The following SYDE2 variants were observed in gnomAD, a reference collection of about 807,000 sequenced individuals.
The protein encoded by SYDE2 is rho GTPase-activating protein SYDE2.
Under a neutral mutation model 91.5 loss-of-function variants are expected in SYDE2, and 76 were observed. The ratio of observed to expected loss-of-function variants is 0.83; its 90% confidence interval spans 0.69 to 1.01. The LOEUF is 1.01. Among genes scored for constraint, SYDE2 ranks in the 50% least tolerant of loss-of-function variants. The pLI, the probability that SYDE2 is intolerant of heterozygous loss-of-function variation, is 0.00. For synonymous variants in SYDE2, 513 were observed against 506.4 expected (o/e 1.01, Z -0.18); for missense variants, 1,364 against 1,367.7 (o/e 1.00, Z 0.04).
intron 2 of SYDE2, among the ~76,000 whole-genome samples, chr1:85,188,568 T>C (rs980849115): frequency 3.3e-5 from 5 of 152,204 alleles, no homozygotes; most frequent in African/African-American, 1.2e-4. Flanking sequence ...GCGAGGGAGC[T>C]GAGAAAATTC....
intron 2 of SYDE2, among the ~76,000 whole-genome samples, chr1:85,187,130 G>T (rs375267488): frequency 6.6e-6 from 1 of 151,802 alleles, no homozygotes; most frequent in Non-Finnish European, 1.5e-5. Context: ...ACAAAGGGCT[G>T]ATATCCAGAA....
rs766330747 is a variant in SYDE2 at position 85,182,664 on chromosome 1, T to A, written c.1978A>T (p.Ile660Phe). Residue 660 changes from isoleucine to phenylalanine, a missense_variant, in exon 3 of 7, where the codon ATT (isoleucine) becomes TTT (phenylalanine). Coordinates refer to ENST00000341460, the MANE Select transcript of SYDE2 (RefSeq NM_032184.2). ...AAGCTATAATGCCTAAAAGCATCAA[T>A]GTCTATTTCATTCTTGCTACAACTA... ...SNSCSKNEID[I>F]DAFRHYSFSD... is the part of the protein sequence containing the mutation. 2 of 1,613,870 alleles carry A rather than the reference T, an allele frequency of 1.2e-6. No homozygotes were observed. Among genetic ancestry groups the A allele is most frequent in the East Asian group, 2.2e-5 (1 of 44,872 alleles).
In SYDE2 at chr1:85,200,569, T is replaced by TGGAGGCC; in HGVS notation, c.421_427dup (p.Gln143ArgfsTer93). The TGGAGGCC allele has an allele frequency of 6.3e-7, 1 of 1,598,678 alleles. No homozygotes were observed. The highest frequency in any genetic ancestry group is 2.3e-5 in the East Asian group (1 of 44,440). On this transcript the variant is annotated frameshift_variant, in exon 1 of 7. Transcript: ENST00000341460. LOFTEE classifies it high-confidence loss of function. Reference sequence around the variant, plus strand: ...GCCGTGGTCCTTGCAGCCTGGAGGCTGGAGGCCGGTGGGTGCAGCCGCCCG... The same window carrying TGGAGGCC: ...GCCGTGGTCCTTGCAGCCTGGAGGCTGGAGGCCGGAGGCCGGTGGGTGCAGCCGCCCG...
chr1:85,186,017 T>G (rs1239266278), intron 2 of SYDE2, among the ~76,000 whole-genome samples: 5 of 152,032 alleles, frequency 3.3e-5, no homozygotes, highest in Non-Finnish European at 1.5e-5. Context: ...GGTTGTTGAA[T>G]TTTGTCAAAG....
rs367837897 is a variant in SYDE2, at chr1:85,182,416, C to G, written c.2226G>C (p.Leu742Phe). The G allele has an allele frequency of 1.0e-4, 168 of 1,613,492 alleles. No homozygotes were observed. Among genetic ancestry groups the G allele is most frequent in the Non-Finnish European group, 1.4e-4 (161 of 1,179,714 alleles). ...FNIEIENAQHLKLVVFSWEPT... is the reference protein window; with the variant it reads ...FNIEIENAQHFKLVVFSWEPT... ...GTTCCCAACTGAATACTACTAGTTT[C>G]AAATGTTGTGCATTTTCAATTTCTA... is the stretch of plus-strand genomic sequence containing the variant. The change falls in exon 3 of 7, where the codon TTG (leucine) becomes TTC (phenylalanine). Residue 742 changes from leucine (L) to phenylalanine (F), a missense_variant. Transcript: ENST00000341460.
intron 1 of SYDE2, chr1:85,200,029 C>G (rs184507837): frequency 0.011 from 5,885 of 522,736 alleles, 43 homozygotes; most frequent in Middle Eastern, 0.015. Flanking sequence ...CTCAATTCTT[C>G]ATGCCATTGT....
chr1:85,161,781 C>T (rs1198394833), intron 6 of SYDE2, among the ~76,000 whole-genome samples: 4 of 150,828 alleles, frequency 2.7e-5, no homozygotes, highest in African/African-American at 9.7e-5. Context: ...AGGAATTATA[C>T]TCTCTCTAAA....
At chr1:85,170,437 T>C (rs928792615) in intron 4 of SYDE2, among the ~76,000 whole-genome samples, 3 of 152,190 alleles carry the variant, frequency 2.0e-5, no homozygotes, top group South Asian at 2.1e-4. Flanking sequence ...TAGTTTCTTA[T>C]GCATCCTTCT....
Position 85,164,708 on chromosome 1 carries a change from T to A in SYDE2, c.2903A>T (p.His968Leu). 1 of 1,481,976 alleles carries A rather than the reference T, an allele frequency of 6.7e-7. No individual in the cohort carries two copies. Among genetic ancestry groups the A allele is most frequent in the Non-Finnish European group, 9.0e-7 (1 of 1,116,362 alleles). The allele number at this position is 1,481,976 out of a possible 1,614,324, so 91.8% of individuals were successfully genotyped here. ...LDHLKLVASYHEVNKMTCQNL... is the reference protein window; with the variant it reads ...LDHLKLVASYLEVNKMTCQNL... Reference sequence around the variant, plus strand: ...CTGGCACGTCATCTTATTCACTTCATGATAGGAAGCCACCAATTTCAAATG... The same window carrying A: ...CTGGCACGTCATCTTATTCACTTCAAGATAGGAAGCCACCAATTTCAAATG... The change falls in exon 6 of 7, where the codon CAT becomes CTT. Residue 968 changes from histidine (H) to leucine (L), a missense_variant. His to Leu is a moderately conservative substitution (Grantham distance 99). Transcript: ENST00000341460.
At position 85,182,189 on chromosome 1, in the gene SYDE2, A is replaced by G. The variant is rs201213376; in HGVS notation, c.2453T>C (p.Ile818Thr). ...ATTTTCTTTCTCTACAACTTTTTGA[A>G]TATCAACTCCAAATATTATTGGTTC... The part of the protein sequence containing the change: ...NQEPIIFGVD[I>T]QKVVEKENIG... Residue 818 changes from isoleucine (I) to threonine (T), a missense_variant, in exon 3 of 7, where the codon ATT becomes ACT. By Grantham distance (89) the Ile-to-Thr change is moderately conservative. Transcript: ENST00000341460. 17 of 1,607,578 alleles carry G rather than the reference A, an allele frequency of 1.1e-5. No homozygotes were observed. In the East Asian group the frequency reaches 1.3e-4, roughly 13 times the overall value.
chr1:85,169,226 CT>C lies in SYDE2; in HGVS notation c.2672-2del. 6.2e-7 allele frequency: 1 copy of C among 1,603,486 alleles called. No homozygotes were observed. The highest frequency in any genetic ancestry group is 8.5e-7 in the Non-Finnish European group (1 of 1,174,876). On this transcript the variant is annotated splice_acceptor_variant, in intron 4 of 6. Coordinates refer to ENST00000341460, the MANE Select transcript of SYDE2 (RefSeq NM_032184.2). LOFTEE classifies it high-confidence loss of function. ...TCTCTTAAATAATCCTTAAGAACAC[CT>C]TTAAAAAACAAACCGCAGACAGTTG... is the stretch of plus-strand genomic sequence containing the variant.
intron 6 of SYDE2, chr1:85,160,848 G>A (rs2100642829): frequency 8.1e-6 from 8 of 985,362 alleles, no homozygotes; most frequent in Non-Finnish European, 6.0e-6. Context: ...GCAAAATCCA[G>A]ATTCATTTTG....
chr1:85,185,714 T>G (rs2100678400), intron 2 of SYDE2, among the ~76,000 whole-genome samples: 1 of 151,966 alleles, frequency 6.6e-6, no homozygotes, highest in South Asian at 2.1e-4. Flanking sequence ...GACAATGGGG[T>G]TTTCTAGATA....
rs1463206737 is a variant in SYDE2 at position 85,182,789 on chromosome 1, C to T, written c.1853G>A (p.Gly618Asp). 5 of 1,613,770 alleles carry T rather than the reference C, an allele frequency of 3.1e-6. No homozygotes were observed. In the African/African-American group the frequency reaches 4.0e-5, roughly 13 times the overall value. ...NSMSSKYSCKGGYLSDGDSPE... is the reference protein window; with the variant it reads ...NSMSSKYSCKDGYLSDGDSPE... The stretch of plus-strand genomic sequence containing the variant: ...TGAGTCTCCATCACTAAGGTAACCA[C>T]CTTTGCAGGAATACTTAGAACTCAT... Residue 618 changes from glycine to aspartate, a missense_variant, in exon 3 of 7, where the codon GGT (glycine) becomes GAT (aspartate). Physicochemically the swap from Gly to Asp is moderately conservative, Grantham distance 94. Transcript: ENST00000341460.
intron 3 of SYDE2, chr1:85,181,634 T>C (rs1657923509): frequency 6.6e-6 from 1 of 152,580 alleles, no homozygotes; most frequent in Admixed American, 6.5e-5. Context: ...GTTTATTAAA[T>C]AAATATTTCA....
intron 4 of SYDE2, 85 bp downstream of exon 4, chr1:85,178,061 T>C: frequency 1.8e-6 from 2 of 1,135,616 alleles, no homozygotes; most frequent in Non-Finnish European, 2.5e-6. Context: ...ACAAATTAAA[T>C]TTCAGCTACA....
chr1:85,160,146 G>A, intron 6 of SYDE2: 1 of 985,144 alleles, frequency 1.0e-6, no homozygotes, highest in Non-Finnish European at 1.2e-6. Context: ...CTTTCTGCAT[G>A]AATAAGTGCC....
chr1:85,196,154 C>T (rs1332095436), intron 1 of SYDE2, among the ~76,000 whole-genome samples: 1 of 152,252 alleles, frequency 6.6e-6, no homozygotes, highest in South Asian at 2.1e-4. Flanking sequence ...ATACATAAAA[C>T]TGAAGCAAAA....
At chr1:85,175,583 A>G (rs1255608647) in intron 4 of SYDE2, among the ~76,000 whole-genome samples, 1 of 152,228 alleles carries the variant, frequency 6.6e-6, no homozygotes, top group Admixed American at 6.5e-5. Context: ...ATTTCATTCC[A>G]TGCTCCAGAC....
Sources: allele counts gnomAD v4.1 joint callset (sites outside exome capture counted in the v4.1 genomes callset), GRCh38; gene constraint gnomAD v4.1.1; transcripts MANE v1.5; gene names NCBI Gene and HGNC (gene_info 2026-07-23, HGNC 2026-07-21).